The following DOK7 variants were observed in gnomAD, a reference collection of about 807,000 sequenced individuals.
The protein encoded by DOK7 is docking protein 7.
Under a neutral mutation model 30.7 loss-of-function variants are expected in DOK7, and 32 were observed. That is an observed-to-expected ratio of 1.04 (90% CI 0.79 to 1.40). The LOEUF is 1.40. Ranked by LOEUF, DOK7 falls within the 40% of genes most tolerant of loss-of-function variation. DOK7 has a pLI of 0.00. For missense variants in DOK7, 1,007 were observed against 699.2 expected (o/e 1.44, Z -4.97); for synonymous variants, 447 against 324.1 (o/e 1.38, Z -4.07).
chr4:3,480,500 C>A (rs1727380089), intron 4 of DOK7, among the ~76,000 whole-genome samples: 1 of 152,090 alleles, frequency 6.6e-6, no homozygotes, highest in African/African-American at 2.4e-5. Context: ...CCCAGCTACT[C>A]CAGAGGCTGA....
Position 3,493,308 on chromosome 4 carries a change from G to C in DOK7, c.1322G>C (p.Gly441Ala), listed in dbSNP as rs1257859460. The change falls in exon 7 of 7, where the codon GGG becomes GCG. Residue 441 changes from glycine (G) to alanine (A), a missense_variant. Gly to Ala is a moderately conservative substitution (Grantham distance 60, BLOSUM62 0). Coordinates refer to ENST00000340083, the MANE Select transcript of DOK7 (RefSeq NM_173660.5). ...GACTCAGGCGGCCAGACGTCCGCCG[G>C]GTGTCCCTCTGGCTGGCTGGGCACG... Reference protein sequence around the residue: ...ARDSGGQTSAGCPSGWLGTRR... With the variant: ...ARDSGGQTSAACPSGWLGTRR... The C allele has an allele frequency of 1.2e-6, 2 of 1,605,930 alleles. No homozygotes were observed. Among genetic ancestry groups the C allele is most frequent in the African/African-American group, 1.3e-5 (1 of 74,788 alleles).
intron 5 of DOK7, 78 bp downstream of exon 5, chr4:3,485,736 GA>G (rs1462720429): frequency 2.1e-5 from 30 of 1,397,442 alleles, no homozygotes; most frequent in Non-Finnish European, 2.7e-5. Flanking sequence ...GGGCCACAGT[GA>G]TTTGTCAGCC....
chr4:3,493,625 C>G lies in DOK7; in HGVS notation c.*124C>G. 2 of 1,492,934 alleles carry G rather than the reference C, an allele frequency of 1.3e-6. No homozygotes were observed. Among genetic ancestry groups the G allele is most frequent in the South Asian group, 1.3e-5 (1 of 75,236 alleles). 92.5% of individuals were successfully genotyped at this position (1,492,934 alleles called of 1,614,324 possible). A position where few individuals can be genotyped will look rare whatever the true frequency, so the allele number is the denominator to read the frequency against. On this transcript the variant is annotated 3_prime_UTR_variant, in exon 7 of 7. Coordinates refer to ENST00000340083, the MANE Select transcript of DOK7 (RefSeq NM_173660.5). The stretch of plus-strand genomic sequence containing the variant: ...TCTGTGGGAGGGACCGGGGGTCTCC[C>G]GGAGAGGGGAGCTGGAGGGCGCGCC...
intron 5 of DOK7, among the ~76,000 whole-genome samples, chr4:3,488,017 C>T (rs1379227158): frequency 6.6e-6 from 1 of 152,250 alleles, no homozygotes; most frequent in South Asian, 2.1e-4. Context: ...GCTCCATGGC[C>T]ACCAGCAGGC....
rs1728744721 is a variant in DOK7, at chr4:3,494,080, T to C, written c.*579T>C. 2.0e-6 allele frequency: 2 copies of C among 986,758 alleles called. No homozygotes were observed. Among genetic ancestry groups the C allele is most frequent in the Non-Finnish European group, 2.4e-6 (2 of 830,944 alleles). The allele number at this position is 986,758 out of a possible 1,614,324, so 61.1% of individuals were successfully genotyped here. ...GAGGCTGTGTGGCTTGCGGGGTCTC[T>C]GGGTTCTGGGCCCCACTGTTCCCCA... On this transcript the variant is annotated 3_prime_UTR_variant, in exon 7 of 7. Coordinates refer to ENST00000340083, the MANE Select transcript of DOK7 (RefSeq NM_173660.5).
chr4:3,496,962 GAGGGT>G, downstream of DOK7: 1 of 328,552 alleles, frequency 3.0e-6, no homozygotes, highest in South Asian at 2.1e-5. Flanking sequence ...GGGGAGGGGG[GAGGGT>G]GGGGGGCCCA....
At position 3,493,147 on chromosome 4, in the gene DOK7, C is replaced by T. The variant is rs776125290; in HGVS notation, c.1161C>T (p.Thr387=). 2 of 1,603,242 alleles carry T rather than the reference C, an allele frequency of 1.2e-6. No individual in the cohort carries two copies. Among genetic ancestry groups the T allele is most frequent in the South Asian group, 1.1e-5 (1 of 89,806 alleles). ...GGGCCCCCGAGCCCAGCCTGTGCAC[C>T]TGCCTGCCCGGGACAGTCGAGTACC... ...AAGAPEPSLC[T]CLPGTVEYQV... is the part of the protein sequence containing the mutation. Residue 387 remains threonine (T), a synonymous_variant, in exon 7 of 7, where the codon ACC becomes ACT. Coordinates refer to ENST00000340083, the MANE Select transcript of DOK7 (RefSeq NM_173660.5).
chr4:3,482,356 G>A (rs1727486960), intron 4 of DOK7, among the ~76,000 whole-genome samples: 1 of 152,234 alleles, frequency 6.6e-6, no homozygotes, highest in Non-Finnish European at 1.5e-5. Flanking sequence ...GGGGCCCAAA[G>A]GCCCAGGAAA....
In DOK7 at chr4:3,493,361, C is replaced by A; in HGVS notation, c.1375C>A (p.Pro459Thr). Residue 459 changes from proline (P) to threonine (T), a missense_variant, in exon 7 of 7, where the codon CCC (proline) becomes ACC (threonine). By Grantham distance (38) the Pro-to-Thr change is conservative. Transcript: ENST00000340083. ...ACGGCGGGGCCTGGTGATGGAGGCCCCCCAGGGCAGCGAGGCCACACTGCC... is the reference window on the plus strand; with the variant it reads ...ACGGCGGGGCCTGGTGATGGAGGCCACCCAGGGCAGCGAGGCCACACTGCC... Reference protein sequence around the residue: ...TRRRGLVMEAPQGSEATLPGP... With the variant: ...TRRRGLVMEATQGSEATLPGP... 2 of 1,598,624 alleles carry A rather than the reference C, an allele frequency of 1.3e-6. No individual in the cohort carries two copies. Among genetic ancestry groups the A allele is most frequent in the Non-Finnish European group, 1.7e-6 (2 of 1,173,182 alleles).
intron 2 of DOK7, among the ~76,000 whole-genome samples, chr4:3,472,041 C>T (rs1228993653): frequency 1.3e-5 from 2 of 152,228 alleles, no homozygotes; most frequent in Non-Finnish European, 2.9e-5. Flanking sequence ...GAGTAGTGGC[C>T]GCAGAGCCTG....
intron 4 of DOK7, among the ~76,000 whole-genome samples, chr4:3,482,118 C>T (rs920620204): frequency 2.6e-5 from 4 of 152,202 alleles, no homozygotes; most frequent in African/African-American, 7.2e-5. Context: ...TTGGGACACC[C>T]GTTTGTGCTC....
chr4:3,487,013 C>T (rs1727845892), intron 5 of DOK7, among the ~76,000 whole-genome samples: 2 of 152,158 alleles, frequency 1.3e-5, no homozygotes, highest in African/African-American at 2.4e-5. Flanking sequence ...GGACAGGCTC[C>T]ACCGCAGGCA....
chr4:3,463,583 G>T, intron 2 of DOK7, 32 bp downstream of exon 2: 1 of 1,511,912 alleles, frequency 6.6e-7, no homozygotes, highest in South Asian at 1.2e-5. Context: ...CGGGGGGCGC[G>T]GGGGTAGCGA....
Position 3,492,785 on chromosome 4 carries a change from T to G in DOK7, c.799T>G (p.Ser267Ala). The change falls in exon 7 of 7, where the codon TCC becomes GCC. Residue 267 changes from serine (S) to alanine (A), a missense_variant. Coordinates refer to ENST00000340083, the MANE Select transcript of DOK7 (RefSeq NM_173660.5). ...GGDDRSLSSS[S>A]SEASHLDVSA... The stretch of plus-strand genomic sequence containing the variant: ...GGATGACCGCAGCCTGTCCAGCTCA[T>G]CCTCAGAGGCCAGTCACTTGGACGT... 6.2e-7 allele frequency: 1 copy of G among 1,612,736 alleles called. No homozygotes were observed. The highest frequency in any genetic ancestry group is 8.5e-7 in the Non-Finnish European group (1 of 1,179,948).
At chr4:3,500,463 G>C in intron 7 of DOK7, 1 of 1,522,310 alleles carries the variant, frequency 6.6e-7, no homozygotes, top group Non-Finnish European at 8.8e-7. Context: ...CAGCCTCAGG[G>C]CCCTGAGCCC....
chr4:3,486,146 C>T (rs889695065), intron 5 of DOK7, among the ~76,000 whole-genome samples: 6 of 152,042 alleles, frequency 3.9e-5, no homozygotes, highest in Non-Finnish European at 1.5e-5. Flanking sequence ...TGTGGGGTCT[C>T]AGGACACGTT....
intron 3 of DOK7, among the ~76,000 whole-genome samples, chr4:3,474,362 C>T (rs1577149796): frequency 6.6e-6 from 1 of 152,220 alleles, no homozygotes; most frequent in African/African-American, 2.4e-5. Context: ...ATCCCAGCAG[C>T]CACAGCTGCC....
intron 6 of DOK7, among the ~76,000 whole-genome samples, chr4:3,490,936 C>T (rs867598190): frequency 1.4e-5 from 2 of 141,142 alleles, no homozygotes; most frequent in Admixed American, 7.0e-5. Context: ...TCCTTCTTCC[C>T]CTGCTCATTC....
chr4:3,484,703 G>A, intron 4 of DOK7: 2 of 985,504 alleles, frequency 2.0e-6, no homozygotes, highest in Non-Finnish European at 2.4e-6. Context: ...GTGCAGGGGT[G>A]GATGCTGGCC....
Sources: gnomAD v4.1 joint callset for allele counts (sites outside exome capture counted in the v4.1 genomes callset) on GRCh38, gnomAD v4.1.1 for gene constraint, MANE v1.5 for transcripts, NCBI Gene and HGNC (gene_info 2026-07-23, HGNC 2026-07-21) for gene names.